Variants in SBNO2 observed in about 807,000 individuals in gnomAD.
The protein encoded by SBNO2 is strawberry notch homolog 2, also known as protein strawberry notch homolog 2.
Under a neutral mutation model 146.3 loss-of-function variants are expected in SBNO2, and 89 were observed. The observed-to-expected ratio is 0.61, with a 90% CI of 0.51 to 0.73. The LOEUF (loss-of-function observed/expected upper bound fraction) is 0.73, where lower values mean the gene tolerates loss of function less well. SBNO2 is among the 30% of genes least tolerant of loss of function. SBNO2 has a pLI of 0.00. For synonymous variants in SBNO2, 1,147 were observed against 892.6 expected, an observed-to-expected ratio of 1.29 and a Z score of -5.08; for missense variants, 2,092 against 2,003.7, an observed-to-expected ratio of 1.04 and a Z score of -0.84.
chr19:1,156,554 G>A (rs962470706), intron 1 of SBNO2, among the ~76,000 whole-genome samples: 4 of 151,966 alleles, frequency 2.6e-5, no homozygotes, highest in East Asian at 1.9e-4. Context: ...GGCCATGCAC[G>A]TCCACAGCAG....
At chr19:1,138,242 A>C (rs956723723) in intron 4 of SBNO2, among the ~76,000 whole-genome samples, 2 of 104,766 alleles carry the variant, frequency 1.9e-5, no homozygotes, top group African/African-American at 7.7e-5. Flanking sequence ...AAGAGGCACC[A>C]GGGGCTGCCC....
At chr19:1,131,003 G>T (rs2080022018) in intron 4 of SBNO2, among the ~76,000 whole-genome samples, 1 of 152,136 alleles carries the variant, frequency 6.6e-6, no homozygotes, top group Non-Finnish European at 1.5e-5. Context: ...CCCAGGGCTG[G>T]CCCTGTTCAC....
At chr19:1,114,475 C>T in intron 17 of SBNO2, 53 bp from the exon 18 acceptor site, 1 of 1,420,068 alleles carries the variant, frequency 7.0e-7, no homozygotes, top group Non-Finnish European at 9.4e-7. Flanking sequence ...GGTGGAGGAG[C>T]AGGTGGAGGA....
intron 1 of SBNO2, among the ~76,000 whole-genome samples, chr19:1,171,268 G>A (rs1038390428): frequency 2.6e-5 from 4 of 151,768 alleles, no homozygotes; most frequent in African/African-American, 7.3e-5. Flanking sequence ...CACACAGAAC[G>A]CGCACACGTC....
chr19:1,166,506 T>C (rs1310360386), intron 1 of SBNO2, among the ~76,000 whole-genome samples: 1 of 152,078 alleles, frequency 6.6e-6, no homozygotes, highest in Non-Finnish European at 1.5e-5. Context: ...ATTTTCAGTC[T>C]TTTGGGGCCA....
rs752708973 is a variant in SBNO2, at chr19:1,109,780, AG to A, written c.3029-4del. Reference sequence around the variant, plus strand: ...CTCCTCGATACCGGGAGCAAGGTCTAGGGGGGCGGGTGGAGGGTAAGTGGTG... The same window carrying A: ...CTCCTCGATACCGGGAGCAAGGTCTAGGGGGCGGGTGGAGGGTAAGTGGTG... On this transcript the variant is annotated splice_region_variant and splice_polypyrimidine_tract_variant and intron_variant, in intron 26 of 31. Coordinates refer to ENST00000361757, the MANE Select transcript of SBNO2 (RefSeq NM_014963.3). The surrounding 1 kb of genome is among the most constrained non-coding windows in gnomAD (Gnocchi z 4.2). 6.9e-6 allele frequency: 8 copies of A among 1,160,996 alleles called. No individual in the cohort carries two copies. Among genetic ancestry groups the A allele is most frequent in the Admixed American group, 5.9e-5 (3 of 50,472 alleles). 71.9% of individuals were successfully genotyped at this position (1,160,996 alleles called of 1,614,324 possible).
chr19:1,112,482 C>T lies in SBNO2; in HGVS notation c.2435G>A (p.Arg812His). The change falls in exon 21 of 32, where the codon CGC (arginine) becomes CAC (histidine). Residue 812 changes from arginine (R) to histidine (H), a missense_variant. Arg to His is a conservative substitution (Grantham distance 29). Coordinates refer to ENST00000361757, the MANE Select transcript of SBNO2 (RefSeq NM_014963.3). This position sits in a 1 kb window ranked among gnomAD's most constrained non-coding sequence, Gnocchi z 5.9. ...SSSGVSLQAD[R>H]RVQNQRRRVH... The stretch of plus-strand genomic sequence containing the variant: ...GCGGCGCCGCTGGTTCTGGACACGG[C>T]GGTCGGCTTGGAGGGAGACACCCGA... 1.2e-6 allele frequency: 2 copies of T among 1,606,996 alleles called. No homozygotes were observed. Among genetic ancestry groups the T allele is most frequent in the South Asian group, 1.1e-5 (1 of 90,626 alleles).
At chr19:1,139,210 C>A (rs1213997793) in intron 4 of SBNO2, among the ~76,000 whole-genome samples, 2 of 152,196 alleles carry the variant, frequency 1.3e-5, no homozygotes, top group African/African-American at 4.8e-5. Context: ...ACCTTGAGGA[C>A]ATCACACTCA....
In SBNO2 at chr19:1,116,053, T is replaced by A; in HGVS notation, c.1853A>T (p.Lys618Met). 6.2e-7 allele frequency: 1 copy of A among 1,610,610 alleles called. No individual in the cohort carries two copies. Among genetic ancestry groups the A allele is most frequent in the Non-Finnish European group, 8.5e-7 (1 of 1,178,966 alleles). Residue 618 changes from lysine (K) to methionine (M), a missense_variant, in exon 17 of 32, where the codon AAG becomes ATG. Physicochemically the swap from Lys to Met is moderately conservative, Grantham distance 95 (BLOSUM62 -1). Transcript: ENST00000361757. ...IQKHFPSTKR[K>M]RDRGAGSKRK... is the part of the protein sequence containing the mutation. ...CTTGCTGCCCGCTCCTCTGTCCCGC[T>A]TTCTCTTGGTGGACGGAAAGTGCTT...
Position 1,108,101 on chromosome 19 carries a change from C to A in SBNO2, c.*119G>T. The A allele has an allele frequency of 1.7e-6, 2 of 1,162,202 alleles. No homozygotes were observed. Among genetic ancestry groups the A allele is most frequent in the South Asian group, 3.8e-5 (2 of 52,650 alleles). 72.0% of individuals were successfully genotyped at this position (1,162,202 alleles called of 1,614,324 possible). On this transcript the variant is annotated 3_prime_UTR_variant, in exon 32 of 32. Coordinates refer to ENST00000361757, the MANE Select transcript of SBNO2 (RefSeq NM_014963.3). ...CCCGGGTCGGGCGCTGAAGGCACTGCGGCCAGGGCCTAGGGCTCCTCTGAG... is the reference window on the plus strand; with the variant it reads ...CCCGGGTCGGGCGCTGAAGGCACTGAGGCCAGGGCCTAGGGCTCCTCTGAG...
At position 1,108,675 on chromosome 19, in the gene SBNO2, G is replaced by C. The variant is rs1030676604; in HGVS notation, c.3646C>G (p.Arg1216Gly). 3 of 1,531,716 alleles carry C rather than the reference G, an allele frequency of 2.0e-6. No homozygotes were observed. The highest frequency in any genetic ancestry group is 2.1e-4 in the Middle Eastern group (1 of 4,738). The allele number at this position is 1,531,716 out of a possible 1,614,324, so 94.9% of individuals were successfully genotyped here. Reference sequence around the variant, plus strand: ...ATCAGCCGCAGCTCCTGCAGCACCCGGCGCACGCAGCCCTCGGGGATCTTG... The same window carrying C: ...ATCAGCCGCAGCTCCTGCAGCACCCCGCGCACGCAGCCCTCGGGGATCTTG... ...GIKIPEGCVR[R>G]VLQELRLMDA... The change falls in exon 32 of 32, where the codon CGG becomes GGG. Residue 1216 changes from arginine (R) to glycine (G), a missense_variant. Coordinates refer to ENST00000361757, the MANE Select transcript of SBNO2 (RefSeq NM_014963.3).
In SBNO2 at chr19:1,158,952, C is replaced by T. The variant is rs1027005535; in HGVS notation, c.-126-4550G>A. ...CTGCAGCCGCGACCCCACCTGCAGC[C>T]GTGACCCCACTTGCAGCTGCAACCG... On this transcript the variant is annotated intron_variant, in intron 1 of 31. Transcript: ENST00000361757. The surrounding 1 kb of genome is among the most constrained non-coding windows in gnomAD (Gnocchi z 9.9). Among the ~76,000 whole-genome samples, 3 of 149,192 alleles carry T rather than the reference C, an allele frequency of 2.0e-5. No individual in the cohort carries two copies. The highest frequency in any genetic ancestry group is 4.9e-5 in the African/African-American group (2 of 40,438).
At chr19:1,127,914 A>G in intron 4 of SBNO2, 149 bp from the exon 5 acceptor site, 1 of 704,518 alleles carries the variant, frequency 1.4e-6, no homozygotes, top group Admixed American at 2.6e-5. Flanking sequence ...CCCAGGTTCA[A>G]GCAATTCTCC....
rs760511372 is a variant in SBNO2, at chr19:1,117,348, G to A, written c.1679C>T (p.Ala560Val). 5.1e-6 allele frequency: 8 copies of A among 1,577,196 alleles called. No homozygotes were observed. Among genetic ancestry groups the A allele is most frequent in the Non-Finnish European group, 5.2e-6 (6 of 1,162,884 alleles). Residue 560 changes from alanine to valine, a missense_variant, in exon 15 of 32, where the codon GCC becomes GTC. Transcript: ENST00000361757. ...CTTGTCTCGCGCCAGCTCCTCTCGG[G>A]CCAGCTCCACCAGCCGGCGCACCTT... ...AAKVRRLVEL[A>V]REELARDKCV...
At chr19:1,141,484 G>A (rs1179090305) in intron 4 of SBNO2, among the ~76,000 whole-genome samples, 1 of 152,036 alleles carries the variant, frequency 6.6e-6, no homozygotes, top group African/African-American at 2.4e-5. Flanking sequence ...CAAAGTGCTG[G>A]GGTTACAAGC....
rs2080173513 is a variant in SBNO2, at chr19:1,144,885, G to A, written c.279+2424C>T. 6.9e-6 allele frequency among the ~76,000 whole-genome samples: 1 copy of A among 145,734 alleles called. No individual in the cohort carries two copies. Among genetic ancestry groups the A allele is most frequent in the Non-Finnish European group, 1.5e-5 (1 of 67,444 alleles). On this transcript the variant is annotated intron_variant, in intron 4 of 31. Transcript: ENST00000361757. The surrounding 1 kb of genome is among the most constrained non-coding windows in gnomAD (Gnocchi z 4.1). ...GGAGACACAGACAGAGACAGAGAGG[G>A]AGACAGAGAGACAGAGGCGGAGATG...
rs777931928 is a variant in SBNO2 at position 1,116,861 on chromosome 19, A to G, written c.1770T>C (p.Asp590=). The change falls in exon 16 of 32, where the codon GAT becomes GAC. Residue 590 remains aspartate (D), a synonymous_variant. Transcript: ENST00000361757. ...CCGAGACGAAGCAGTTGAGGTGCCC[A>G]TCGTTCTCCCCCAGCACCTCCCGCG... ...ARTREVLGEN[D]GHLNCFVSAA... 3 of 1,591,522 alleles carry G rather than the reference A, an allele frequency of 1.9e-6. No individual in the cohort carries two copies. The highest frequency in any genetic ancestry group is 3.5e-5 in the Admixed American group (2 of 57,612).
chr19:1,154,531 C>A, intron 1 of SBNO2, 129 bp from the exon 2 acceptor site: 1 of 363,690 alleles, frequency 2.7e-6, no homozygotes, highest in Non-Finnish European at 4.9e-6. Context: ...TGGGCCGGAA[C>A]CAAAAGGCGC....
rs984184806 is a variant in SBNO2 at position 1,112,655 on chromosome 19, A to G, written c.2380-118T>C. The G allele has an allele frequency of 5.5e-6, 8 of 1,444,768 alleles. No individual in the cohort carries two copies. The highest frequency in any genetic ancestry group is 2.5e-5 in the Admixed American group (1 of 40,652). 89.5% of individuals were successfully genotyped at this position (1,444,768 alleles called of 1,614,324 possible). On this transcript the variant is annotated intron_variant, in intron 20 of 31. Coordinates refer to ENST00000361757, the MANE Select transcript of SBNO2 (RefSeq NM_014963.3). This position sits in a 1 kb window ranked among gnomAD's most constrained non-coding sequence, Gnocchi z 5.9. The stretch of plus-strand genomic sequence containing the variant: ...CACCAGGACGTCCCGGGGCAGCGAG[A>G]GGCCTGCGGGGCGCGGACACCACCC...
Sources: gnomAD v4.1 joint callset for allele counts (sites outside exome capture counted in the v4.1 genomes callset) on GRCh38, gnomAD v4.1.1 for gene constraint, Gnocchi (gnomAD v3.1) non-coding constraint, MANE v1.5 for transcripts, NCBI Gene and HGNC (gene_info 2026-07-23, HGNC 2026-07-21) for gene names.